Variants in CBX5 observed in about 807,000 individuals in gnomAD.
The protein encoded by CBX5 is chromobox 5.
A neutral mutation model predicts 20.7 loss-of-function variants in CBX5; 7 were observed. The observed-to-expected ratio is 0.34, with a 90% CI of 0.19 to 0.63. The LOEUF (loss-of-function observed/expected upper bound fraction) is 0.63, where lower values mean the gene tolerates loss of function less well. CBX5 is among the 30% of genes least tolerant of loss of function. CBX5 has a pLI of 0.75. For missense variants in CBX5, 110 were observed against 224.1 expected, an observed-to-expected ratio of 0.49 and a Z score of 3.25; for synonymous variants, 78 against 77.0, an observed-to-expected ratio of 1.01 and a Z score of -0.07.
chr12:54,231,396 A>G lies in CBX5; in HGVS notation c.*10359T>C, dbSNP rs531632555. 1.3e-5 allele frequency: 2 copies of G among 154,780 alleles called. No individual in the cohort carries two copies. Among genetic ancestry groups the G allele is most frequent in the Admixed American group, 1.3e-4 (2 of 15,304 alleles). The allele number at this position is 154,780 out of a possible 1,614,324, so 9.6% of individuals were successfully genotyped here. A position where few individuals can be genotyped will look rare whatever the true frequency, so the allele number is the denominator to read the frequency against. The stretch of plus-strand genomic sequence containing the variant: ...ACTCCTGGCTACTTGGCAGGGAGTC[A>G]GACTGTGCTCTCTCCATTCCCCAGG... On this transcript the variant is annotated 3_prime_UTR_variant, in exon 5 of 5. Coordinates refer to ENST00000209875, the MANE Select transcript of CBX5 (RefSeq NM_012117.3).
chr12:54,275,005 G>A lies in CBX5; in HGVS notation c.-43+5003C>T, dbSNP rs999758694. ...TCTTCCTCAAAAATCTTTGTACCCT[G>A]ATACCAAACCTTTCTCTTTTCTAGA... On this transcript the variant is annotated intron_variant, in intron 1 of 4. Transcript: ENST00000209875. Among the ~76,000 whole-genome samples the A allele has an allele frequency of 3.3e-5, 5 of 152,202 alleles. No individual in the cohort carries two copies. In the East Asian group the frequency reaches 9.7e-4, roughly 29 times the overall value.
At chr12:54,245,909 C>T (rs571640169) in intron 4 of CBX5, among the ~76,000 whole-genome samples, 4 of 152,256 alleles carry the variant, frequency 2.6e-5, no homozygotes, top group East Asian at 1.9e-4. Context: ...ACCCAGGAGG[C>T]GGAGGCTGCA....
chr12:54,263,795 A>G (rs952053341), intron 1 of CBX5, among the ~76,000 whole-genome samples: 1 of 149,274 alleles, frequency 6.7e-6, no homozygotes, highest in African/African-American at 2.5e-5. Flanking sequence ...AAAAGAAAAA[A>G]GAAAAAAAAA....
At chr12:54,267,717 G>A (rs1301646718) in intron 1 of CBX5, among the ~76,000 whole-genome samples, 6 of 151,898 alleles carry the variant, frequency 4.0e-5, no homozygotes, top group East Asian at 3.9e-4. Flanking sequence ...GGGTTTCACC[G>A]TGTTAGCCAG....
intron 1 of CBX5, among the ~76,000 whole-genome samples, chr12:54,268,398 G>C (rs1354222831): frequency 6.6e-6 from 1 of 152,162 alleles, no homozygotes; most frequent in African/African-American, 2.4e-5. Context: ...TATATTGACA[G>C]TTAAATGCAA....
chr12:54,268,328 T>C (rs907118707), intron 1 of CBX5, among the ~76,000 whole-genome samples: 7 of 152,190 alleles, frequency 4.6e-5, no homozygotes, highest in East Asian at 1.9e-4. Flanking sequence ...AGTGTCTCTA[T>C]TGACATTTAA....
At position 54,241,597 on chromosome 12, in the gene CBX5, T is replaced by A. The variant is rs1276747556; in HGVS notation, c.*158A>T. On this transcript the variant is annotated 3_prime_UTR_variant, in exon 5 of 5. Coordinates refer to ENST00000209875, the MANE Select transcript of CBX5 (RefSeq NM_012117.3). Reference sequence around the variant, plus strand: ...TCATTAATCAGACCATCAGTTATGTTACAAGAGAACCAATACCAACATTTC... The same window carrying A: ...TCATTAATCAGACCATCAGTTATGTAACAAGAGAACCAATACCAACATTTC... 2 of 651,778 alleles carry A rather than the reference T, an allele frequency of 3.1e-6. No individual in the cohort carries two copies. The highest frequency in any genetic ancestry group is 1.8e-5 in the African/African-American group (1 of 54,518). The allele number at this position is 651,778 out of a possible 1,614,324, so 40.4% of individuals were successfully genotyped here. A position where few individuals can be genotyped will look rare whatever the true frequency, so the allele number is the denominator to read the frequency against.
At chr12:54,249,023 ACT>A (rs1943766137) in intron 3 of CBX5, among the ~76,000 whole-genome samples, 1 of 151,874 alleles carries the variant, frequency 6.6e-6, no homozygotes, top group African/African-American at 2.4e-5. Flanking sequence ...TAGGAACAAA[ACT>A]CTGTGCACTG....
chr12:54,264,544 T>C (rs1343657687), intron 1 of CBX5, among the ~76,000 whole-genome samples: 6 of 152,186 alleles, frequency 3.9e-5, no homozygotes, highest in African/African-American at 1.4e-4. Flanking sequence ...GCTTTCTTCT[T>C]ATTAAGAATG....
At chr12:54,278,318 CAG>C (rs1944090400) in intron 1 of CBX5, among the ~76,000 whole-genome samples, 1 of 152,202 alleles carries the variant, frequency 6.6e-6, no homozygotes, top group Non-Finnish European at 1.5e-5. Flanking sequence ...AAATCCAGGA[CAG>C]ATACCCTTAA....
Position 54,235,798 on chromosome 12 carries a change from A to G in CBX5, c.*5957T>C, listed in dbSNP as rs1365846394. ...GTTCATTCCTCCAAAAGGGATGAGA[A>G]ATTGAAAAAGGTGTGAGCAACTCTG... On this transcript the variant is annotated 3_prime_UTR_variant, in exon 5 of 5. Transcript: ENST00000209875. 4 of 152,204 alleles carry G rather than the reference A, an allele frequency of 2.6e-5. No individual in the cohort carries two copies. The highest frequency in any genetic ancestry group is 5.9e-5 in the Non-Finnish European group (4 of 68,032). The allele number at this position is 152,204 out of a possible 1,614,324, so 9.4% of individuals were successfully genotyped here. A position where few individuals can be genotyped will look rare whatever the true frequency, so the allele number is the denominator to read the frequency against.
chr12:54,262,464 G>A (rs914627549), intron 1 of CBX5, among the ~76,000 whole-genome samples: 1 of 152,200 alleles, frequency 6.6e-6, no homozygotes, highest in Admixed American at 6.5e-5. Context: ...CTGATGCCAG[G>A]AGTCAGAGTA....
intron 1 of CBX5, among the ~76,000 whole-genome samples, chr12:54,264,753 G>A (rs1316280067): frequency 6.6e-6 from 1 of 152,008 alleles, no homozygotes; most frequent in East Asian, 1.9e-4. Context: ...TGAGGTAGGA[G>A]AATCGCTTGA....
At chr12:54,245,655 G>A (rs1437025318) in intron 4 of CBX5, among the ~76,000 whole-genome samples, 1 of 152,166 alleles carries the variant, frequency 6.6e-6, no homozygotes, top group Non-Finnish European at 1.5e-5. Flanking sequence ...GCCAGGTATG[G>A]TGGCACATGC....
chr12:54,250,283 T>A lies in CBX5; in HGVS notation c.324+1758A>T, dbSNP rs570694963. Among the ~76,000 whole-genome samples the A allele has an allele frequency of 2.0e-5, 3 of 152,076 alleles. No homozygotes were observed. The South Asian group carries it at 6.2e-4, about 32-fold the overall frequency. The stretch of plus-strand genomic sequence containing the variant: ...AAAATTATCTGGCTATGGTGGCACA[T>A]GCCTGTAATCCCAACTACTCAGAAG... On this transcript the variant is annotated intron_variant, in intron 3 of 4. Transcript: ENST00000209875.
intron 4 of CBX5, among the ~76,000 whole-genome samples, chr12:54,242,119 A>T (rs541981538): frequency 4.6e-5 from 7 of 152,352 alleles, no homozygotes; most frequent in Non-Finnish European, 1.0e-4. Flanking sequence ...TGTAGCTAGA[A>T]TTTAGATGTA....
At position 54,236,793 on chromosome 12, in the gene CBX5, G is replaced by A. The variant is rs888594090; in HGVS notation, c.*4962C>T. ...GCCCTCAAAACTGAACCTTAAGGTA[G>A]AGACAATTGCTCCCCGGGCCAAACA... On this transcript the variant is annotated 3_prime_UTR_variant, in exon 5 of 5. Transcript: ENST00000209875. 3.3e-5 allele frequency: 5 copies of A among 152,230 alleles called. No individual in the cohort carries two copies. Among genetic ancestry groups the A allele is most frequent in the Admixed American group, 1.3e-4 (2 of 15,294 alleles). The allele number at this position is 152,230 out of a possible 1,614,324, so 9.4% of individuals were successfully genotyped here. A position where few individuals can be genotyped will look rare whatever the true frequency, so the allele number is the denominator to read the frequency against.
In CBX5 at chr12:54,249,674, C is replaced by T. The variant is rs1943773513; in HGVS notation, c.324+2367G>A. ...AAATAAAAGGAATGGAAGCTGGGGGCGGGAGGAGGTGGTAGAGTGTGTGTA... is the reference window on the plus strand; with the variant it reads ...AAATAAAAGGAATGGAAGCTGGGGGTGGGAGGAGGTGGTAGAGTGTGTGTA... On this transcript the variant is annotated intron_variant, in intron 3 of 4. Coordinates refer to ENST00000209875, the MANE Select transcript of CBX5 (RefSeq NM_012117.3). 2.6e-5 allele frequency among the ~76,000 whole-genome samples: 4 copies of T among 151,868 alleles called. No homozygotes were observed. The South Asian group carries it at 6.2e-4, about 24-fold the overall frequency.
chr12:54,262,343 G>A (rs1943921367), intron 1 of CBX5, among the ~76,000 whole-genome samples: 1 of 152,218 alleles, frequency 6.6e-6, no homozygotes, highest in South Asian at 2.1e-4. Flanking sequence ...AATAAAGATT[G>A]AGTTCAATTC....
Sources: gnomAD v4.1 joint callset for allele counts (sites outside exome capture counted in the v4.1 genomes callset) on GRCh38, gnomAD v4.1.1 for gene constraint, MANE v1.5 for transcripts, NCBI Gene and HGNC (gene_info 2026-07-23, HGNC 2026-07-21) for gene names.